Variants in GLRA2 observed in about 807,000 individuals in gnomAD.
GLRA2 encodes the protein glycine receptor subunit alpha-2.
A neutral mutation model predicts 31.6 loss-of-function variants in GLRA2; 11 were observed. The ratio of observed to expected loss-of-function variants is 0.35; its 90% confidence interval spans 0.22 to 0.58. The LOEUF is 0.58. GLRA2 is among the 20% of genes least tolerant of loss of function. GLRA2 has a pLI of 0.84. For synonymous variants in GLRA2, 132 were observed against 134.0 expected (o/e 0.99, Z 0.10); for missense variants, 212 against 351.8 (o/e 0.60, Z 3.18).
the GLRA2 span, among the ~76,000 whole-genome samples, chrX:14,495,678 A>G: frequency 9.1e-6 from 1 of 109,520 alleles, no homozygotes; most frequent in Admixed American, 9.9e-5. Context: ...ATATAAGGAT[A>G]TATATGAAAA....
chrX:14,641,205 C>G (rs72614574), intron 7 of GLRA2, among the ~76,000 whole-genome samples: 37 of 111,408 alleles, frequency 3.3e-4, no homozygotes, highest in East Asian at 1.7e-3. Flanking sequence ...CAACTTTTTG[C>G]TCATTATTTT....
At chrX:14,638,982 G>C (rs777932674) in intron 7 of GLRA2, among the ~76,000 whole-genome samples, 33 of 110,849 alleles carry the variant, frequency 3.0e-4, no homozygotes, top group Non-Finnish European at 5.5e-4. Context: ...TCAAATTCTT[G>C]GTGAGGCAGT....
the GLRA2 span, among the ~76,000 whole-genome samples, chrX:14,493,729 A>ACG: frequency 9.8e-6 from 1 of 101,530 alleles, no homozygotes; most frequent in African/African-American, 3.6e-5. Flanking sequence ...ATATACGTGT[A>ACG]TATGTATACA....
chrX:14,696,863 G>T (rs757465657), intron 8 of GLRA2, among the ~76,000 whole-genome samples: 8 of 112,093 alleles, frequency 7.1e-5, no homozygotes, highest in Non-Finnish European at 1.3e-4. Flanking sequence ...ACATGGAGAT[G>T]TTCTTAAGTT....
At chrX:14,648,995 C>A (rs374136327) in intron 7 of GLRA2, among the ~76,000 whole-genome samples, 2 of 111,425 alleles carry the variant, frequency 1.8e-5, no homozygotes, top group East Asian at 5.6e-4. Flanking sequence ...GCGGGCGAAT[C>A]ACAAGGTCAA....
upstream of GLRA2, among the ~76,000 whole-genome samples, chrX:14,526,795 G>T (rs759784822): frequency 2.3e-3 from 253 of 111,983 alleles, 1 homozygote; most frequent in Admixed American, 3.9e-3. Flanking sequence ...ACATTTCTGT[G>T]TCATGTACAT....
At chrX:14,587,702 G>A (rs2147073154) in intron 4 of GLRA2, among the ~76,000 whole-genome samples, 1 of 111,638 alleles carries the variant, frequency 9.0e-6, no homozygotes, top group African/African-American at 3.3e-5. Context: ...TTTATCAGAT[G>A]CATAGTTTGT....
chrX:14,678,575 CAGGTTGCTAGTGAGAAGA>C (rs1295954868), intron 7 of GLRA2, among the ~76,000 whole-genome samples: 1 of 111,096 alleles, frequency 9.0e-6, no homozygotes, highest in African/African-American at 3.3e-5. Context: ...GTGGTAAAAC[CAGGTTGCTAGTGAGAAGA>C]AAGATTTAAA....
intron 7 of GLRA2, among the ~76,000 whole-genome samples, chrX:14,613,237 A>C (rs761739500): frequency 2.7e-5 from 3 of 111,780 alleles, no homozygotes; most frequent in African/African-American, 9.7e-5. Flanking sequence ...AATGTAGTAG[A>C]AAAGACTGCT....
chrX:14,680,444 T>C (rs748480399), intron 7 of GLRA2, among the ~76,000 whole-genome samples: 1 of 112,275 alleles, frequency 8.9e-6, no homozygotes, highest in South Asian at 3.7e-4. Context: ...CTTTTAAAAC[T>C]ATCTTGCAAG....
intron 2 of GLRA2, among the ~76,000 whole-genome samples, chrX:14,564,997 A>G (rs1452175987): frequency 9.1e-6 from 1 of 110,362 alleles, no homozygotes; most frequent in Non-Finnish European, 1.9e-5. Flanking sequence ...ATGAAAGAAA[A>G]TCCAAATGGT....
intron 3 of GLRA2, 93 bp downstream of exon 3, chrX:14,574,493 G>A (rs1569499656): frequency 6.7e-6 from 8 of 1,198,858 alleles, no homozygotes; most frequent in Non-Finnish European, 6.8e-6. Flanking sequence ...AACTTGCAGG[G>A]CCTCCTGTAA....
At chrX:14,720,116 A>C (rs138636684) in intron 8 of GLRA2, among the ~76,000 whole-genome samples, 78 of 111,531 alleles carry the variant, frequency 7.0e-4, no homozygotes, top group African/African-American at 2.5e-3. Context: ...AACAAGTTTC[A>C]GTATTCTATA....
chrX:14,561,044 A>C (rs2089726345), intron 2 of GLRA2, among the ~76,000 whole-genome samples: 1 of 111,557 alleles, frequency 9.0e-6, no homozygotes, highest in South Asian at 3.8e-4. Context: ...CGTATATATT[A>C]AGTATTTGTT....
chrX:14,471,405 C>T, the GLRA2 span, among the ~76,000 whole-genome samples: 1 of 111,525 alleles, frequency 9.0e-6, no homozygotes, highest in Non-Finnish European at 1.9e-5. Context: ...AACTACAGGT[C>T]ATGAAGTGAT....
intron 7 of GLRA2, among the ~76,000 whole-genome samples, chrX:14,670,736 G>T (rs996846543): frequency 2.7e-5 from 3 of 111,504 alleles, no homozygotes; most frequent in African/African-American, 9.8e-5. Context: ...GATAAGATTT[G>T]GGTGGGGACA....
intron 2 of GLRA2, among the ~76,000 whole-genome samples, chrX:14,553,832 G>C (rs1257008981): frequency 8.9e-6 from 1 of 111,785 alleles, no homozygotes; most frequent in East Asian, 2.8e-4. Flanking sequence ...TTCTATACTG[G>C]CTTCCAGAGT....
the GLRA2 span, among the ~76,000 whole-genome samples, chrX:14,481,218 T>C: frequency 9.0e-6 from 1 of 111,536 alleles, no homozygotes; most frequent in Admixed American, 9.6e-5. Context: ...GTACATTGAT[T>C]TTGTATCCTG....
chrX:14,574,565 T>C, intron 3 of GLRA2, 165 bp downstream of exon 3: 1 of 1,154,712 alleles, frequency 8.7e-7, no homozygotes, highest in Non-Finnish European at 1.2e-6. Context: ...CAATGGTGAG[T>C]GGGACTGAGC....
Sources: gnomAD v4.1 joint callset for allele counts (sites outside exome capture counted in the v4.1 genomes callset) on GRCh38, gnomAD v4.1.1 for gene constraint, MANE v1.5 for transcripts, NCBI Gene and HGNC (gene_info 2026-07-23, HGNC 2026-07-21) for gene names.